TRIO: variants seen among roughly 807,000 people sequenced by gnomAD.
TRIO encodes the protein trio Rho guanine nucleotide exchange factor.
In TRIO, 58 loss-of-function variants were observed where a neutral mutation model predicts 351.9. That is an observed-to-expected ratio of 0.16 (90% CI 0.13 to 0.21). TRIO has a LOEUF of 0.21. TRIO is among the 10% of genes least tolerant of loss of function. The probability of loss-of-function intolerance (pLI) is 1.00; values close to 1 mark genes in which losing one functional copy is unlikely to be tolerated. For missense variants in TRIO, 3,201 were observed against 4,027.8 expected (o/e 0.79, Z 5.56); for synonymous variants, 1,758 against 1,595.7 (o/e 1.10, Z -2.42).
intron 1 of TRIO, among the ~76,000 whole-genome samples, chr5:14,217,477 A>G (rs536234077): frequency 1.5e-4 from 23 of 152,164 alleles, no homozygotes; most frequent in Non-Finnish European, 3.2e-4. Context: ...GAACCCAGGT[A>G]TGAAGTATAC....
At chr5:14,274,616 T>C (rs1735336693) in intron 2 of TRIO, among the ~76,000 whole-genome samples, 2 of 152,270 alleles carry the variant, frequency 1.3e-5, no homozygotes, top group East Asian at 3.9e-4. Context: ...ACTTACTTGA[T>C]TGTCCTGAGA....
chr5:14,491,751 C>T (rs1178467304), intron 48 of TRIO, among the ~76,000 whole-genome samples: 1 of 152,136 alleles, frequency 6.6e-6, no homozygotes, highest in Admixed American at 6.5e-5. Context: ...GAGATCGGGT[C>T]CCACAGGGGC....
chr5:14,479,321 G>T lies in TRIO; in HGVS notation c.6214G>T (p.Val2072Phe). 1 of 1,613,710 alleles carries T rather than the reference G, an allele frequency of 6.2e-7. No homozygotes were observed. The highest frequency in any genetic ancestry group is 8.5e-7 in the Non-Finnish European group (1 of 1,179,838). Residue 2072 changes from valine (V) to phenylalanine (F), a missense_variant, in exon 42 of 57, where the codon GTC (valine) becomes TTC (phenylalanine). Around this residue, in one of 19 missense-constraint regions of TRIO, gnomAD observed 307 missense variants for 396.5 expected, o/e 0.77. Coordinates refer to ENST00000344204, the MANE Select transcript of TRIO (RefSeq NM_007118.4). ...AAATAAACCAAAGTCTGAGCACATTGTCTCAGAATACATTGATACCTTTTT... is the reference window on the plus strand; with the variant it reads ...AAATAAACCAAAGTCTGAGCACATTTTCTCAGAATACATTGATACCTTTTT... ...CQNKPKSEHIVSEYIDTFFED... is the reference protein window; with the variant it reads ...CQNKPKSEHIFSEYIDTFFED...
In TRIO at chr5:14,148,975, C is replaced by T. The variant is rs1044446943; in HGVS notation, c.157+5093C>T. On this transcript the variant is annotated intron_variant, in intron 1 of 56. Transcript: ENST00000344204. Reference sequence around the variant, plus strand: ...TCTGCTGACGCGCTGTTCAGTGGGCCACTGGGAGAGGGAATGAACAGGGAG... The same window carrying T: ...TCTGCTGACGCGCTGTTCAGTGGGCTACTGGGAGAGGGAATGAACAGGGAG... 6.6e-5 allele frequency among the ~76,000 whole-genome samples: 10 copies of T among 152,332 alleles called. No homozygotes were observed. In the East Asian group the frequency reaches 7.7e-4, roughly 12 times the overall value.
At chr5:14,390,161 T>A (rs1412960357) in intron 25 of TRIO, 70 bp from the exon 26 acceptor site, 1 of 1,413,608 alleles carries the variant, frequency 7.1e-7, no homozygotes, top group African/African-American at 1.4e-5. Context: ...TTTCTCAGTT[T>A]CTGGCATATC....
chr5:14,419,069 GA>G (rs1244116730), intron 33 of TRIO, among the ~76,000 whole-genome samples: 1 of 151,824 alleles, frequency 6.6e-6, no homozygotes, highest in African/African-American at 2.4e-5. Flanking sequence ...GAGAAGGAGG[GA>G]AAGGAACGTC....
rs752250789 is a variant in TRIO at position 14,498,126 on chromosome 5, G to C, written c.8085G>C (p.Thr2695=). ...PEFVIPLSEV[T]CETGETVVLR... is the part of the protein sequence containing the mutation. ...TCGTCATTCCATTGAGTGAGGTCAC[G>C]TGTGAGACAGGGGAGACCGTTGTTC... Residue 2695 remains threonine (T), a synonymous_variant, in exon 52 of 57, where the codon ACG becomes ACC. Transcript: ENST00000344204. The C allele has an allele frequency of 1.2e-6, 2 of 1,614,172 alleles. No homozygotes were observed. Among genetic ancestry groups the C allele is most frequent in the South Asian group, 1.1e-5 (1 of 91,076 alleles).
intron 1 of TRIO, among the ~76,000 whole-genome samples, chr5:14,202,496 C>T (rs1791198614): frequency 6.6e-6 from 1 of 151,412 alleles, no homozygotes; most frequent in Non-Finnish European, 1.5e-5. Context: ...TTACCAGTAT[C>T]TCCATTTGAT....
intron 34 of TRIO, among the ~76,000 whole-genome samples, chr5:14,450,459 C>T (rs1031531827): frequency 5.3e-5 from 8 of 152,042 alleles, no homozygotes; most frequent in South Asian, 2.1e-4. Context: ...CCTTCTCAGG[C>T]GGCAAAGACC....
chr5:14,207,463 T>TACACACAC (rs70964545), intron 1 of TRIO, among the ~76,000 whole-genome samples: 247 of 23,070 alleles, frequency 0.011, 16 homozygotes, highest in African/African-American at 0.018. Flanking sequence ...ACTGTCTCTC[T>TACACACAC]ACACACACAC....
At chr5:14,483,846 A>G (rs1755717022) in intron 46 of TRIO, among the ~76,000 whole-genome samples, 1 of 152,102 alleles carries the variant, frequency 6.6e-6, no homozygotes, top group Non-Finnish European at 1.5e-5. Context: ...ACTACACTTG[A>G]GCCTCCCATC....
chr5:14,351,221 T>C (rs765656364), intron 11 of TRIO, among the ~76,000 whole-genome samples: 2 of 152,230 alleles, frequency 1.3e-5, no homozygotes, highest in African/African-American at 2.4e-5. Flanking sequence ...CTCTTTCTTA[T>C]CAGGGCAGCA....
intron 52 of TRIO, 123 bp downstream of exon 52, chr5:14,498,374 G>C: frequency 1.3e-6 from 2 of 1,509,806 alleles, no homozygotes; most frequent in African/African-American, 1.4e-5. Context: ...CACTTCTTCC[G>C]TGAGAGCCCA....
intron 25 of TRIO, 109 bp from the exon 26 acceptor site, chr5:14,390,122 T>C: frequency 2.2e-6 from 2 of 923,392 alleles, no homozygotes; most frequent in East Asian, 5.1e-5. Flanking sequence ...AAGAGCTACA[T>C]GTTTTGTTCA....
At chr5:14,233,119 A>G (rs1000169698) in intron 1 of TRIO, among the ~76,000 whole-genome samples, 9 of 152,096 alleles carry the variant, frequency 5.9e-5, no homozygotes, top group Non-Finnish European at 8.8e-5. Context: ...GGACTCAGCT[A>G]TGATTGAGGT....
intron 1 of TRIO, among the ~76,000 whole-genome samples, chr5:14,226,683 G>A (rs778163700): frequency 1.3e-5 from 2 of 152,212 alleles, no homozygotes; most frequent in African/African-American, 2.4e-5. Context: ...CTGAAGCTTG[G>A]TGAAGCATTA....
chr5:14,463,130 G>A (rs1369934473), intron 36 of TRIO, among the ~76,000 whole-genome samples: 3 of 152,240 alleles, frequency 2.0e-5, no homozygotes, highest in Admixed American at 2.0e-4. Context: ...CAGTAGGCCA[G>A]CGGGTGCAGT....
chr5:14,382,053 C>T (rs555697582), intron 21 of TRIO, among the ~76,000 whole-genome samples: 1 of 152,228 alleles, frequency 6.6e-6, no homozygotes, highest in East Asian at 1.9e-4. Context: ...AGTATACGTC[C>T]TTTGTAGTAT....
rs1200816546 is a variant in TRIO, at chr5:14,461,047, C to G, written c.5232C>G (p.Ala1744=). 22 of 1,582,934 alleles carry G rather than the reference C, an allele frequency of 1.4e-5. No individual in the cohort carries two copies. Among genetic ancestry groups the G allele is most frequent in the Non-Finnish European group, 1.9e-5 (22 of 1,164,460 alleles). ...KDSLSVSSND[A]SPPASVASLQ... ...CGCTCTCCGTCTCCAGCAATGACGCCAGTCCACCCGCATCCGTGGCTTCCC... is the reference window on the plus strand; with the variant it reads ...CGCTCTCCGTCTCCAGCAATGACGCGAGTCCACCCGCATCCGTGGCTTCCC... The change falls in exon 35 of 57, where the codon GCC becomes GCG. Residue 1744 remains alanine, a synonymous_variant. Transcript: ENST00000344204.
Sources: gnomAD v4.1 joint callset for allele counts (sites outside exome capture counted in the v4.1 genomes callset) on GRCh38, gnomAD v4.1.1 for gene constraint, gnomAD v4.1.1 regional missense constraint, MANE v1.5 for transcripts, NCBI Gene and HGNC (gene_info 2026-07-23, HGNC 2026-07-21) for gene names.